Variants in SH3PXD2A observed in about 807,000 individuals in gnomAD.
The protein encoded by SH3PXD2A is SH3 and PX domains 2A, also known as SH3 and PX domain-containing protein 2A.
A neutral mutation model predicts 115.2 loss-of-function variants in SH3PXD2A; 32 were observed. The ratio of observed to expected loss-of-function variants is 0.28; its 90% CI spans 0.21 to 0.37. The LOEUF (loss-of-function observed/expected upper bound fraction) is 0.37. SH3PXD2A is among the 10% of genes least tolerant of loss of function. The pLI, the probability that SH3PXD2A is intolerant of heterozygous loss-of-function variation, is 1.00. For synonymous variants in SH3PXD2A, 610 were observed against 629.1 expected, an observed-to-expected ratio of 0.97 and a Z score of 0.45; for missense variants, 1,328 against 1,498.7, an observed-to-expected ratio of 0.89 and a Z score of 1.88.
At chr10:103,656,555 C>T (rs1436270506) in intron 8 of SH3PXD2A, among the ~76,000 whole-genome samples, 3 of 152,166 alleles carry the variant, frequency 2.0e-5, no homozygotes, top group East Asian at 1.9e-4. Flanking sequence ...GGTAGCTGGG[C>T]GCGGTGGCTC....
intron 1 of SH3PXD2A, among the ~76,000 whole-genome samples, chr10:103,831,627 C>G (rs2039483474): frequency 6.6e-6 from 1 of 152,174 alleles, no homozygotes; most frequent in Admixed American, 6.5e-5. Flanking sequence ...CAAGACCAGC[C>G]TGGGCAACAT....
At chr10:103,850,925 G>A (rs188917110) in intron 1 of SH3PXD2A, among the ~76,000 whole-genome samples, 1 of 152,238 alleles carries the variant, frequency 6.6e-6, no homozygotes. Flanking sequence ...AATTATCTCA[G>A]GCCAACTTCC....
rs2036156657 is a variant in SH3PXD2A at position 103,597,821 on chromosome 10, G to A, written c.*3995C>T. On this transcript the variant is annotated 3_prime_UTR_variant, in exon 15 of 15. Transcript: ENST00000369774. ...ATGCAAGGTATTTGGAGGGGTAGGGGAAGTGAGTAACCTTAAAGAAATAAT... is the reference window on the plus strand; with the variant it reads ...ATGCAAGGTATTTGGAGGGGTAGGGAAAGTGAGTAACCTTAAAGAAATAAT... 6.6e-6 allele frequency: 1 copy of A among 152,596 alleles called. No individual in the cohort carries two copies. The highest frequency in any genetic ancestry group is 1.5e-5 in the Non-Finnish European group (1 of 68,038). The allele number at this position is 152,596 out of a possible 1,614,324, so 9.5% of individuals were successfully genotyped here. A position where few individuals can be genotyped will look rare whatever the true frequency, so the allele number is the denominator to read the frequency against.
chr10:103,769,449 C>CTTCTTTTTTT (rs776929884), intron 2 of SH3PXD2A, among the ~76,000 whole-genome samples: 1 of 137,438 alleles, frequency 7.3e-6, no homozygotes, highest in African/African-American at 2.7e-5. Context: ...TCTTCTTCTT[C>CTTCTTTTTTT]TTTTTTTTTT....
At chr10:103,642,106 T>G (rs2036964305) in intron 8 of SH3PXD2A, among the ~76,000 whole-genome samples, 1 of 151,704 alleles carries the variant, frequency 6.6e-6, no homozygotes, top group Non-Finnish European at 1.5e-5. Context: ...AGTCACACCA[T>G]CATAAGTCTG....
At chr10:103,830,239 A>G (rs1244079459) in intron 1 of SH3PXD2A, among the ~76,000 whole-genome samples, 4 of 152,378 alleles carry the variant, frequency 2.6e-5, no homozygotes, top group Non-Finnish European at 4.4e-5. Context: ...AGAACTGGGT[A>G]GGAAATTATA....
chr10:103,614,354 A>G (rs1311566320), intron 11 of SH3PXD2A, among the ~76,000 whole-genome samples: 1 of 152,220 alleles, frequency 6.6e-6, no homozygotes, highest in Non-Finnish European at 1.5e-5. Context: ...ATTAACAAAT[A>G]GAAGATTGAC....
At chr10:103,661,542 G>A (rs1025287361) in intron 7 of SH3PXD2A, 15 of 598,408 alleles carry the variant, frequency 2.5e-5, no homozygotes, top group Non-Finnish European at 4.2e-6. Context: ...GGGGAGGGCG[G>A]CGAGCCAGCG....
intron 1 of SH3PXD2A, among the ~76,000 whole-genome samples, chr10:103,847,394 G>A (rs1265069958): frequency 6.6e-6 from 1 of 151,948 alleles, no homozygotes; most frequent in Non-Finnish European, 1.5e-5. Context: ...GTTTACTGCA[G>A]GCTCAACCTC....
chr10:103,615,524 G>GTGTGTGTA (rs2036503759), intron 11 of SH3PXD2A, among the ~76,000 whole-genome samples: 1 of 141,090 alleles, frequency 7.1e-6, no homozygotes, highest in African/African-American at 2.9e-5. Flanking sequence ...GTGTGTGTGT[G>GTGTGTGTA]TGTGTGTAGG....
At position 103,661,006 on chromosome 10, in the gene SH3PXD2A, T is replaced by A; in HGVS notation, c.581A>T (p.Asp194Val). Residue 194 changes from aspartate (D) to valine (V), a missense_variant, in exon 8 of 15, where the codon GAT becomes GTT. Asp to Val is a radical substitution (Grantham distance 152). Coordinates refer to ENST00000369774, the MANE Select transcript of SH3PXD2A (RefSeq NM_001394015.1). ...ACCGCTCTCGTTCTTCTCGATGACA[T>A]CCACCACCTCCCCGGCCTGGAGGCT... ...ELSLQAGEVV[D>V]VIEKNESGWW... 6.2e-7 allele frequency: 1 copy of A among 1,614,052 alleles called. No individual in the cohort carries two copies. Among genetic ancestry groups the A allele is most frequent in the Middle Eastern group, 1.6e-4 (1 of 6,062 alleles).
intron 6 of SH3PXD2A, among the ~76,000 whole-genome samples, chr10:103,680,075 G>A (rs1168098344): frequency 6.6e-6 from 1 of 152,002 alleles, no homozygotes; most frequent in South Asian, 2.1e-4. Context: ...TGCCTCCCCG[G>A]TTCAAGTGAT....
chr10:103,811,217 T>A (rs1033486686), intron 1 of SH3PXD2A, among the ~76,000 whole-genome samples: 15 of 152,340 alleles, frequency 9.8e-5, no homozygotes, highest in African/African-American at 3.4e-4. Context: ...CAATCCTACA[T>A]GGACCTTTCA....
chr10:103,772,642 G>A (rs2038837057), intron 2 of SH3PXD2A, among the ~76,000 whole-genome samples: 1 of 152,328 alleles, frequency 6.6e-6, no homozygotes, highest in Non-Finnish European at 1.5e-5. Flanking sequence ...TGGGCTCCAC[G>A]CGCTGGCTCC....
At chr10:103,718,659 A>T (rs1325272850) in intron 5 of SH3PXD2A, among the ~76,000 whole-genome samples, 1 of 152,120 alleles carries the variant, frequency 6.6e-6, no homozygotes, top group Non-Finnish European at 1.5e-5. Context: ...ATTTAAATGA[A>T]TATTTAAATA....
rs2036206244 is a variant in SH3PXD2A at position 103,600,990 on chromosome 10, T to G, written c.*826A>C. Reference sequence around the variant, plus strand: ...CATATAAGCCCCAAATCAACAAACCTCTCCCGAAACATGCAAAGGAACTGC... The same window carrying G: ...CATATAAGCCCCAAATCAACAAACCGCTCCCGAAACATGCAAAGGAACTGC... On this transcript the variant is annotated 3_prime_UTR_variant, in exon 15 of 15. Transcript: ENST00000369774. 6.6e-6 allele frequency: 1 copy of G among 151,524 alleles called. No individual in the cohort carries two copies. Among genetic ancestry groups the G allele is most frequent in the African/African-American group, 2.4e-5 (1 of 41,166 alleles). The allele number at this position is 151,524 out of a possible 1,614,324, so 9.4% of individuals were successfully genotyped here.
intron 8 of SH3PXD2A, among the ~76,000 whole-genome samples, chr10:103,639,349 T>C (rs1382813205): frequency 6.6e-6 from 1 of 152,168 alleles, no homozygotes; most frequent in African/African-American, 2.4e-5. Flanking sequence ...TGGTGGCTCA[T>C]GCCTGTAATC....
At chr10:103,606,015 G>C (rs1446772738) in intron 13 of SH3PXD2A, 98 bp from the exon 14 acceptor site, 2 of 1,287,438 alleles carry the variant, frequency 1.6e-6, no homozygotes, top group African/African-American at 1.5e-5. Context: ...GGGTGCGGAT[G>C]GCCGTTTACA....
chr10:103,728,378 T>C (rs913538633), intron 4 of SH3PXD2A, among the ~76,000 whole-genome samples: 3 of 152,214 alleles, frequency 2.0e-5, no homozygotes, highest in Non-Finnish European at 4.4e-5. Flanking sequence ...TGTCATTCTT[T>C]AGGAGAAAGC....
Sources: allele counts gnomAD v4.1 joint callset (sites outside exome capture counted in the v4.1 genomes callset), GRCh38; gene constraint gnomAD v4.1.1; transcripts MANE v1.5; gene names NCBI Gene and HGNC (gene_info 2026-07-23, HGNC 2026-07-21).